PCOLCE2: variants seen among roughly 807,000 people sequenced by gnomAD.
PCOLCE2 encodes procollagen C-proteinase enhancer 2.
Under a neutral mutation model 47.0 loss-of-function variants are expected in PCOLCE2, and 42 were observed. That is an observed-to-expected ratio of 0.89 (90% CI 0.70 to 1.16). PCOLCE2 has a LOEUF of 1.16. Among genes scored for constraint, PCOLCE2 ranks in the 50% most tolerant of loss-of-function variants. The pLI is 0.00. For missense variants in PCOLCE2, 500 were observed against 526.1 expected (o/e 0.95, Z 0.49); for synonymous variants, 169 against 191.7 (o/e 0.88, Z 0.98).
chr3:142,880,667 G>A (rs555221071), intron 2 of PCOLCE2, among the ~76,000 whole-genome samples: 71 of 152,186 alleles, frequency 4.7e-4, no homozygotes, highest in Non-Finnish European at 8.7e-4. Context: ...ATTTAAAATT[G>A]ATCAGGCATC....
Position 142,843,000 on chromosome 3 carries a change from T to C in PCOLCE2, c.497A>G (p.Lys166Arg). The C allele has an allele frequency of 6.2e-7, 1 of 1,613,978 alleles. No homozygotes were observed. Among genetic ancestry groups the C allele is most frequent in the Non-Finnish European group, 8.5e-7 (1 of 1,179,880 alleles). The change falls in exon 4 of 9, where the codon AAA becomes AGA. Residue 166 changes from lysine (K) to arginine (R), a missense_variant. Physicochemically the swap from Lys to Arg is conservative, Grantham distance 26 (BLOSUM62 2). Transcript: ENST00000295992. The surrounding 1 kb of genome is among the most constrained non-coding windows in gnomAD (Gnocchi z 4.1). The stretch of plus-strand genomic sequence containing the variant: ...ATCCCGGTCTGGCCAGTTGGGGGTT[T>C]TAAAAGAGCCGGAAGGTCTGTCAAG... ...GLLDRPSGSF[K>R]TPNWPDRDYP...
At chr3:142,853,279 T>G (rs1042720715) in intron 2 of PCOLCE2, among the ~76,000 whole-genome samples, 1 of 152,150 alleles carries the variant, frequency 6.6e-6, no homozygotes, top group Non-Finnish European at 1.5e-5. Context: ...CTCTCACTCA[T>G]GCTTAGGGTC....
At chr3:142,833,241 T>G (rs566062622) in intron 5 of PCOLCE2, among the ~76,000 whole-genome samples, 1 of 152,212 alleles carries the variant, frequency 6.6e-6, no homozygotes, top group East Asian at 1.9e-4. Flanking sequence ...CAGGCTGGAG[T>G]GCAGTGGCAT....
intron 7 of PCOLCE2, 79 bp from the exon 8 acceptor site, chr3:142,821,124 C>T (rs2108182370): frequency 8.9e-7 from 1 of 1,120,110 alleles, no homozygotes. Flanking sequence ...TTACATTCTT[C>T]TAAGTTTCAG....
chr3:142,854,298 CCACAGTTGATCTACGTAAAGCTCGAGG>C (rs1280920143), intron 2 of PCOLCE2, among the ~76,000 whole-genome samples: 4 of 151,900 alleles, frequency 2.6e-5, no homozygotes, highest in African/African-American at 4.8e-5. Flanking sequence ...AAAATGCAGA[CCACAGTTGATCTACGTAAAGCTCGAGG>C]CACAGTTGAT....
At chr3:142,864,648 T>C (rs1380819826) in intron 2 of PCOLCE2, among the ~76,000 whole-genome samples, 2 of 152,238 alleles carry the variant, frequency 1.3e-5, no homozygotes, top group Admixed American at 1.3e-4. Context: ...AGATTTCTCA[T>C]GCCCATCTGC....
Position 142,842,838 on chromosome 3 carries a change from A to G in PCOLCE2, c.573+86T>C. 2 of 1,338,490 alleles carry G rather than the reference A, an allele frequency of 1.5e-6. No individual in the cohort carries two copies. The highest frequency in any genetic ancestry group is 2.1e-6 in the Non-Finnish European group (2 of 943,098). The allele number at this position is 1,338,490 out of a possible 1,614,324, so 82.9% of individuals were successfully genotyped here. Reference sequence around the variant, plus strand: ...CCCTTAGCTCTCGAATAGCCCCCACAACAGGAGGCTCTTGAGAGTTGGTGG... The same window carrying G: ...CCCTTAGCTCTCGAATAGCCCCCACGACAGGAGGCTCTTGAGAGTTGGTGG... On this transcript the variant is annotated intron_variant, in intron 4 of 8. Coordinates refer to ENST00000295992, the MANE Select transcript of PCOLCE2 (RefSeq NM_013363.4). This position sits in a 1 kb window ranked among gnomAD's most constrained non-coding sequence, Gnocchi z 4.1.
intron 5 of PCOLCE2, among the ~76,000 whole-genome samples, chr3:142,831,458 C>A (rs1472404230): frequency 1.3e-5 from 2 of 152,150 alleles, no homozygotes; most frequent in Non-Finnish European, 1.5e-5. Context: ...ATAAGAAATT[C>A]TTTTTCTTTA....
intron 1 of PCOLCE2, 94 bp downstream of exon 1, chr3:142,888,720 C>A (rs1933765111): frequency 2.7e-6 from 2 of 739,040 alleles, no homozygotes; most frequent in East Asian, 3.4e-5. Context: ...GTCACCCAGG[C>A]GCGCCGAAGC....
In PCOLCE2 at chr3:142,842,611, T is replaced by C. The variant is rs942480842; in HGVS notation, c.573+313A>G. Among the ~76,000 whole-genome samples the C allele has an allele frequency of 6.6e-6, 1 of 151,902 alleles. No individual in the cohort carries two copies. Among genetic ancestry groups the C allele is most frequent in the Non-Finnish European group, 1.5e-5 (1 of 67,992 alleles). ...AAAATTAGCCGGGCGTGGTGGCGCG[T>C]GCCTGTAATCTCAGCTACTCGTGAG... On this transcript the variant is annotated intron_variant, in intron 4 of 8. Coordinates refer to ENST00000295992, the MANE Select transcript of PCOLCE2 (RefSeq NM_013363.4). The surrounding 1 kb of genome is among the most constrained non-coding windows in gnomAD (Gnocchi z 4.1).
In PCOLCE2 at chr3:142,863,376, A is replaced by G. The variant is rs576324626; in HGVS notation, c.193-14904T>C. On this transcript the variant is annotated intron_variant, in intron 2 of 8. Coordinates refer to ENST00000295992, the MANE Select transcript of PCOLCE2 (RefSeq NM_013363.4). The stretch of plus-strand genomic sequence containing the variant: ...GGGTGTCATAAGTTTGCTTTTGAAC[A>G]TGTCAGGTTAAGATATTTGAGCTGA... Among the ~76,000 whole-genome samples, 21 of 152,360 alleles carry G rather than the reference A, an allele frequency of 1.4e-4. No individual in the cohort carries two copies. In the South Asian group the frequency reaches 3.9e-3, roughly 29 times the overall value.
At chr3:142,876,595 G>A (rs1239678372) in intron 2 of PCOLCE2, among the ~76,000 whole-genome samples, 1 of 152,318 alleles carries the variant, frequency 6.6e-6, no homozygotes, top group East Asian at 1.9e-4. Context: ...TTTACTACCA[G>A]TTAGGAGCTT....
At chr3:142,824,733 G>A (rs139900417) in intron 6 of PCOLCE2, among the ~76,000 whole-genome samples, 18 of 152,250 alleles carry the variant, frequency 1.2e-4, no homozygotes, top group African/African-American at 2.2e-4. Context: ...TCCACCTCCC[G>A]GGTTCAAGCA....
At chr3:142,821,375 G>A (rs113827767) in intron 7 of PCOLCE2, among the ~76,000 whole-genome samples, 33 of 152,234 alleles carry the variant, frequency 2.2e-4, no homozygotes, top group African/African-American at 7.9e-4. Flanking sequence ...TGGCTTATGA[G>A]GCTCTACCTG....
intron 5 of PCOLCE2, among the ~76,000 whole-genome samples, chr3:142,833,412 A>T (rs1937172023): frequency 6.6e-6 from 1 of 151,172 alleles, no homozygotes; most frequent in African/African-American, 2.4e-5. Context: ...GAACTCCTGA[A>T]CTCAAATGAT....
At chr3:142,827,501 C>A in intron 6 of PCOLCE2, 1 of 1,497,312 alleles carries the variant, frequency 6.7e-7, no homozygotes, top group South Asian at 1.1e-5. Context: ...CAGCTTGCTA[C>A]GGCCTCCAGG....
At chr3:142,864,621 T>C (rs1933246000) in intron 2 of PCOLCE2, 2 of 150,638 alleles carry the variant, frequency 1.3e-5, no homozygotes, top group Non-Finnish European at 3.0e-5. Flanking sequence ...TTTCAGAATA[T>C]TTCCATCACT....
rs185089157 is a variant in PCOLCE2 at position 142,842,964 on chromosome 3, C to A, written c.533G>T (p.Gly178Val). ...TACAATGTGCCACACACAAGTGACT[C>A]CTGCAGGGTAATCCCGGTCTGGCCA... Reference protein sequence around the residue: ...PNWPDRDYPAGVTCVWHIVAP... With the variant: ...PNWPDRDYPAVVTCVWHIVAP... The change falls in exon 4 of 9, where the codon GGA (glycine) becomes GTA (valine). Residue 178 changes from glycine to valine, a missense_variant. By Grantham distance (109) the Gly-to-Val change is moderately radical. Transcript: ENST00000295992. This position sits in a 1 kb window ranked among gnomAD's most constrained non-coding sequence, Gnocchi z 4.1. The A allele has an allele frequency of 1.9e-5, 31 of 1,614,064 alleles. No homozygotes were observed. The highest frequency in any genetic ancestry group is 2.6e-5 in the Non-Finnish European group (31 of 1,179,942).
intron 8 of PCOLCE2, 56 bp from the exon 9 acceptor site, chr3:142,818,521 AACT>A: frequency 1.5e-6 from 2 of 1,327,262 alleles, no homozygotes; most frequent in Non-Finnish European, 2.2e-6. Context: ...TGTGTGAAAC[AACT>A]TAGACTGTAA....
Sources: gnomAD v4.1 joint callset for allele counts (sites outside exome capture counted in the v4.1 genomes callset) on GRCh38, gnomAD v4.1.1 for gene constraint, Gnocchi (gnomAD v3.1) non-coding constraint, MANE v1.5 for transcripts, NCBI Gene and HGNC (gene_info 2026-07-23, HGNC 2026-07-21) for gene names.